Variants in KCNB2 observed in about 807,000 individuals in gnomAD.
KCNB2 encodes the protein potassium voltage-gated channel subfamily B member 2.
In KCNB2, 15 loss-of-function variants were observed where a neutral mutation model predicts 61.5. The observed-to-expected ratio is 0.24, with a 90% CI of 0.16 to 0.38. KCNB2 has a LOEUF of 0.38. Among genes scored for constraint, KCNB2 ranks in the 10% least tolerant of loss-of-function variants. The probability of loss-of-function intolerance (pLI) is 1.00; values close to 1 mark genes in which losing one functional copy is unlikely to be tolerated. For synonymous variants in KCNB2, 457 were observed against 446.0 expected (o/e 1.02, Z -0.31); for missense variants, 828 against 1,125.2 (o/e 0.74, Z 3.78).
At chr8:72,870,067 T>C (rs1805592622) in intron 2 of KCNB2, among the ~76,000 whole-genome samples, 1 of 152,194 alleles carries the variant, frequency 6.6e-6, no homozygotes, top group Admixed American at 6.5e-5. Flanking sequence ...GAGAGCATTA[T>C]GCTAACTGAG....
Position 72,603,084 on chromosome 8 carries a change from C to G in KCNB2, c.579+34771C>G, listed in dbSNP as rs189367791. On this transcript the variant is annotated intron_variant, in intron 2 of 2. Transcript: ENST00000523207. ...TCTCAAATTTAACCTCAGGACATCT[C>G]TTGCATAGCCTTCTAACTGGTATCC... Among the ~76,000 whole-genome samples, 237 of 152,320 alleles carry G rather than the reference C, an allele frequency of 1.6e-3. 2 individuals carry two copies. Among genetic ancestry groups the G allele is most frequent in the Non-Finnish European group, 2.3e-3 (154 of 68,030 alleles).
intron 2 of KCNB2, among the ~76,000 whole-genome samples, chr8:72,640,448 A>C (rs150716322): frequency 5.1e-4 from 78 of 152,174 alleles, no homozygotes; most frequent in African/African-American, 1.9e-3. Context: ...AAGTGAAGCA[A>C]CCCAAATCCT....
At chr8:72,811,261 T>C (rs1024262402) in intron 2 of KCNB2, among the ~76,000 whole-genome samples, 1 of 149,246 alleles carries the variant, frequency 6.7e-6, no homozygotes, top group African/African-American at 2.6e-5. Context: ...ACAACATATA[T>C]GGTTTCATTT....
At chr8:72,787,811 A>T (rs1463968188) in intron 2 of KCNB2, among the ~76,000 whole-genome samples, 2 of 152,116 alleles carry the variant, frequency 1.3e-5, no homozygotes, top group Non-Finnish European at 2.9e-5. Flanking sequence ...TTTTTAAATT[A>T]TGTATTATGT....
At chr8:72,700,056 G>A (rs1258261987) in intron 2 of KCNB2, among the ~76,000 whole-genome samples, 2 of 152,136 alleles carry the variant, frequency 1.3e-5, no homozygotes, top group African/African-American at 4.8e-5. Flanking sequence ...GGACATGGAT[G>A]AAGCTGGAAG....
chr8:72,749,464 G>A (rs767561975), intron 2 of KCNB2: 7 of 151,860 alleles, frequency 4.6e-5, no homozygotes, highest in Non-Finnish European at 8.8e-5. Context: ...TTTTTAGCTG[G>A]TGAATGTGTT....
chr8:72,804,833 G>A (rs1236835221), intron 2 of KCNB2, among the ~76,000 whole-genome samples: 1 of 152,146 alleles, frequency 6.6e-6, no homozygotes, highest in Admixed American at 6.5e-5. Context: ...CTTAGAGCTG[G>A]GGCAGAGGCA....
At chr8:72,641,810 A>C (rs1056366768) in intron 2 of KCNB2, among the ~76,000 whole-genome samples, 4 of 152,160 alleles carry the variant, frequency 2.6e-5, no homozygotes, top group African/African-American at 9.6e-5. Context: ...GAGGATCAAT[A>C]ACATACTGTA....
intron 2 of KCNB2, among the ~76,000 whole-genome samples, chr8:72,684,037 A>T (rs1383945217): frequency 6.6e-6 from 1 of 152,246 alleles, no homozygotes; most frequent in African/African-American, 2.4e-5. Context: ...TGGGCACATT[A>T]GAAGGTAAGA....
chr8:72,592,063 C>T (rs1325669480), intron 2 of KCNB2, among the ~76,000 whole-genome samples: 1 of 152,118 alleles, frequency 6.6e-6, no homozygotes, highest in East Asian at 1.9e-4. Context: ...CTATGTCCAT[C>T]TGCTCAAGTA....
chr8:72,747,422 C>T (rs1808095460), intron 2 of KCNB2, among the ~76,000 whole-genome samples: 1 of 152,068 alleles, frequency 6.6e-6, no homozygotes, highest in African/African-American at 2.4e-5. Context: ...GGTTGGTTTG[C>T]ACATGAAAGG....
intron 2 of KCNB2, among the ~76,000 whole-genome samples, chr8:72,635,216 T>C (rs1805944279): frequency 6.6e-6 from 1 of 152,154 alleles, no homozygotes; most frequent in African/African-American, 2.4e-5. Flanking sequence ...CAAACAAGCT[T>C]CCTCTTCCCC....
At chr8:72,575,160 C>T (rs1806775295) in intron 2 of KCNB2, among the ~76,000 whole-genome samples, 1 of 152,172 alleles carries the variant, frequency 6.6e-6, no homozygotes, top group Non-Finnish European at 1.5e-5. Flanking sequence ...CTGATAAATA[C>T]ATGAAATTGC....
At chr8:72,696,059 C>T (rs1807012860) in intron 2 of KCNB2, among the ~76,000 whole-genome samples, 1 of 152,194 alleles carries the variant, frequency 6.6e-6, no homozygotes, top group Non-Finnish European at 1.5e-5. Context: ...CTTGCAGAGT[C>T]ATCTATTGGA....
chr8:72,920,691 C>T (rs971133625), intron 2 of KCNB2, among the ~76,000 whole-genome samples: 2 of 151,172 alleles, frequency 1.3e-5, no homozygotes, highest in African/African-American at 4.9e-5. Context: ...GCACTAAAGA[C>T]CAGGTGTAAT....
At chr8:72,585,102 G>A (rs1031828267) in intron 2 of KCNB2, among the ~76,000 whole-genome samples, 2 of 152,176 alleles carry the variant, frequency 1.3e-5, no homozygotes, top group African/African-American at 4.8e-5. Context: ...AAGACTGAAT[G>A]ATTTAATACT....
At chr8:72,724,259 A>G (rs1055960998) in intron 2 of KCNB2, among the ~76,000 whole-genome samples, 1 of 152,210 alleles carries the variant, frequency 6.6e-6, no homozygotes. Flanking sequence ...GTGAGTGGTT[A>G]TGGCCAGGAA....
intron 2 of KCNB2, among the ~76,000 whole-genome samples, chr8:72,602,375 C>A (rs778338591): frequency 5.3e-5 from 8 of 152,084 alleles, no homozygotes; most frequent in Non-Finnish European, 1.0e-4. Context: ...GCTACTGAAT[C>A]ATTGCTAGAA....
intron 2 of KCNB2, among the ~76,000 whole-genome samples, chr8:72,705,972 A>G (rs1001624631): frequency 6.6e-6 from 1 of 152,036 alleles, no homozygotes; most frequent in African/African-American, 2.4e-5. Context: ...CTATATGGAG[A>G]GTTGGTTACA....
Sources: gnomAD v4.1 joint callset for allele counts (sites outside exome capture counted in the v4.1 genomes callset) on GRCh38, gnomAD v4.1.1 for gene constraint, MANE v1.5 for transcripts, NCBI Gene and HGNC (gene_info 2026-07-23, HGNC 2026-07-21) for gene names.